The following RUFY1 variants were observed in gnomAD, a reference collection of about 807,000 sequenced individuals.
The protein encoded by RUFY1 is RUN and FYVE domain containing 1.
A neutral mutation model predicts 94.6 loss-of-function variants in RUFY1; 54 were observed. That is an observed-to-expected ratio of 0.57 (90% CI 0.46 to 0.72). RUFY1 has a LOEUF of 0.72. Ranked by LOEUF, RUFY1 falls within the 30% of genes least tolerant of loss-of-function variation. The probability of loss-of-function intolerance (pLI) is 0.00; values close to 1 mark genes in which losing one functional copy is unlikely to be tolerated. For missense variants in RUFY1, 883 were observed against 883.9 expected, an observed-to-expected ratio of 1.00 and a Z score of 0.01; for synonymous variants, 396 against 347.3, an observed-to-expected ratio of 1.14 and a Z score of -1.56.
At position 179,605,867 on chromosome 5, in the gene RUFY1, T is replaced by C. The variant is rs777267970; in HGVS notation, c.1857-9T>C. On this transcript the variant is annotated splice_polypyrimidine_tract_variant and intron_variant, in intron 15 of 17. Coordinates refer to ENST00000319449, the MANE Select transcript of RUFY1 (RefSeq NM_025158.5). ...CACTGCTATGAAATGGCCTTTTTTT[T>C]TTCCTTAGGTCCAAGCTGAAGATGG... is the stretch of plus-strand genomic sequence containing the variant. The C allele has an allele frequency of 1.9e-6, 3 of 1,598,742 alleles. No homozygotes were observed. Among genetic ancestry groups the C allele is most frequent in the Admixed American group, 1.7e-5 (1 of 59,872 alleles).
chr5:179,593,740 GAGC>G, intron 11 of RUFY1, 95 bp downstream of exon 11: 1 of 1,502,370 alleles, frequency 6.7e-7, no homozygotes, highest in Non-Finnish European at 8.9e-7. Context: ...TAGACACATA[GAGC>G]CCCTCGTATG....
At position 179,560,138 on chromosome 5, in the gene RUFY1, C is replaced by T; in HGVS notation, c.424C>T (p.His142Tyr). 1.2e-6 allele frequency: 2 copies of T among 1,614,062 alleles called. No homozygotes were observed. Among genetic ancestry groups the T allele is most frequent in the East Asian group, 2.2e-5 (1 of 44,872 alleles). The stretch of plus-strand genomic sequence containing the variant: ...CCTGGGCCGCAGCCTGGATGCGGAC[C>T]ATGCCCCCTTGCAGCAGTTCTTTGT... Reference protein sequence around the residue: ...LSLGRSLDADHAPLQQFFVVM... With the variant: ...LSLGRSLDADYAPLQQFFVVM... Residue 142 changes from histidine to tyrosine, a missense_variant, in exon 2 of 18, where the codon CAT becomes TAT. Transcript: ENST00000319449.
intron 13 of RUFY1, among the ~76,000 whole-genome samples, chr5:179,597,741 C>T (rs559056168): frequency 9.8e-5 from 15 of 152,288 alleles, no homozygotes; most frequent in Admixed American, 8.5e-4. Context: ...GAAGAGACAT[C>T]TTTATTCCCA....
intron 6 of RUFY1, among the ~76,000 whole-genome samples, chr5:179,580,241 G>GTGTGTGTGTGTGTGTATATATA (rs149099074): frequency 1.1e-5 from 1 of 93,852 alleles, no homozygotes; most frequent in Non-Finnish European, 2.3e-5. Flanking sequence ...GTGTGTGTGT[G>GTGTGTGTGTGTGTGTATATATA]TATATTTTTT....
rs775438820 is a variant in RUFY1, at chr5:179,609,455, CGGTGCGAGTGTG to C, written c.2064_2075del (p.Val689_Cys692del). On this transcript the variant is annotated inframe_deletion, in exon 18 of 18. Transcript: ENST00000319449. ...CTGGCCCTGCCCTCCTACCCCAAGC[CGGTGCGAGTGTG>C]CGACAGCTGCCACACCCTGCTCCTG... 6.2e-7 allele frequency: 1 copy of C among 1,612,628 alleles called. No individual in the cohort carries two copies. Among genetic ancestry groups the C allele is most frequent in the Non-Finnish European group, 8.5e-7 (1 of 1,179,814 alleles).
chr5:179,571,658 T>G (rs1763235166), intron 5 of RUFY1, among the ~76,000 whole-genome samples: 2 of 152,194 alleles, frequency 1.3e-5, no homozygotes, highest in Non-Finnish European at 1.5e-5. Flanking sequence ...AGAAAGGTCT[T>G]CATTATATAC....
chr5:179,560,266 A>G (rs1268670039), intron 2 of RUFY1, 68 bp downstream of exon 2: 2 of 1,542,936 alleles, frequency 1.3e-6, no homozygotes, highest in East Asian at 4.7e-5. Flanking sequence ...TTTTTTCATC[A>G]GCGCCAGACA....
chr5:179,605,789 A>C (rs1388293409), intron 15 of RUFY1, 87 bp from the exon 16 acceptor site: 2 of 890,984 alleles, frequency 2.2e-6, no homozygotes, highest in African/African-American at 3.3e-5. Flanking sequence ...GTATCCTCAC[A>C]AAGCTAGTCC....
chr5:179,605,967 C>T (rs1336568903), intron 16 of RUFY1, 43 bp downstream of exon 16: 9 of 1,354,838 alleles, frequency 6.6e-6, no homozygotes, highest in Non-Finnish European at 9.5e-6. Context: ...TCAGCTTGTG[C>T]TGACTGCCCG....
chr5:179,566,933 A>G (rs1762873839), intron 3 of RUFY1, among the ~76,000 whole-genome samples: 1 of 152,082 alleles, frequency 6.6e-6, no homozygotes, highest in Admixed American at 6.6e-5. Context: ...GCATGCCTGT[A>G]ATCCCAGCTA....
intron 5 of RUFY1, among the ~76,000 whole-genome samples, chr5:179,571,661 T>G (rs1357795979): frequency 6.6e-6 from 1 of 152,198 alleles, no homozygotes; most frequent in Non-Finnish European, 1.5e-5. Flanking sequence ...AAGGTCTTCA[T>G]TATATACACC....
At chr5:179,576,256 T>C (rs1008244227) in intron 5 of RUFY1, among the ~76,000 whole-genome samples, 7 of 152,202 alleles carry the variant, frequency 4.6e-5, no homozygotes, top group African/African-American at 1.7e-4. Context: ...TCAAGTGCTT[T>C]ATTTCTTGGC....
chr5:179,576,567 C>T (rs767907455), intron 5 of RUFY1, among the ~76,000 whole-genome samples: 8 of 152,126 alleles, frequency 5.3e-5, no homozygotes, highest in Non-Finnish European at 8.8e-5. Flanking sequence ...ATTACAGGCA[C>T]CTGCCACCAT....
At chr5:179,562,865 C>A (rs1374422048) in intron 3 of RUFY1, 2 of 510,050 alleles carry the variant, frequency 3.9e-6, no homozygotes, top group Non-Finnish European at 3.5e-6. Flanking sequence ...TTCCTGCTTG[C>A]CACACAGGCC....
rs371385294 is a variant in RUFY1, at chr5:179,609,817, C to A, written c.*298C>A. ...TTTTTCACTTTTCAAAGAATTTAACCTATTTTACAGCAGTTCAGTTCTGCT... is the reference window on the plus strand; with the variant it reads ...TTTTTCACTTTTCAAAGAATTTAACATATTTTACAGCAGTTCAGTTCTGCT... On this transcript the variant is annotated 3_prime_UTR_variant, in exon 18 of 18. Coordinates refer to ENST00000319449, the MANE Select transcript of RUFY1 (RefSeq NM_025158.5). 5.1e-5 allele frequency: 16 copies of A among 310,746 alleles called. No individual in the cohort carries two copies. Among genetic ancestry groups the A allele is most frequent in the Admixed American group, 2.5e-4 (5 of 19,890 alleles). The allele number at this position is 310,746 out of a possible 1,614,324, so 19.2% of individuals were successfully genotyped here.
At chr5:179,583,182 G>C in intron 7 of RUFY1, among the ~76,000 whole-genome samples, 1 of 151,302 alleles carries the variant, frequency 6.6e-6, no homozygotes, top group Non-Finnish European at 1.5e-5. Context: ...GGCATCTGTA[G>C]TCCCAGCTGC....
chr5:179,609,537 C>A lies in RUFY1; in HGVS notation c.*18C>A, dbSNP rs1309770156. The A allele has an allele frequency of 6.3e-7, 1 of 1,584,208 alleles. No homozygotes were observed. Among genetic ancestry groups the A allele is most frequent in the South Asian group, 1.1e-5 (1 of 88,790 alleles). ...CCTCCTGAACGTCCGTCCTCAGGAGCACAGCCTCACGGACAGTGCCAAACC... is the reference window on the plus strand; with the variant it reads ...CCTCCTGAACGTCCGTCCTCAGGAGAACAGCCTCACGGACAGTGCCAAACC... On this transcript the variant is annotated 3_prime_UTR_variant, in exon 18 of 18. Coordinates refer to ENST00000319449, the MANE Select transcript of RUFY1 (RefSeq NM_025158.5).
chr5:179,577,478 A>G (rs1763715890), intron 6 of RUFY1, among the ~76,000 whole-genome samples: 2 of 151,026 alleles, frequency 1.3e-5, no homozygotes, highest in Admixed American at 1.3e-4. Context: ...TCACATTTTT[A>G]ATAAAATTCT....
intron 3 of RUFY1, among the ~76,000 whole-genome samples, chr5:179,563,082 C>T (rs1762565989): frequency 1.3e-5 from 2 of 152,086 alleles, no homozygotes; most frequent in Admixed American, 6.6e-5. Flanking sequence ...TGGATTTGTC[C>T]TTGGGATCGC....
Sources: gnomAD v4.1 joint callset for allele counts (sites outside exome capture counted in the v4.1 genomes callset) on GRCh38, gnomAD v4.1.1 for gene constraint, MANE v1.5 for transcripts, NCBI Gene and HGNC (gene_info 2026-07-23, HGNC 2026-07-21) for gene names.